SLF1: variants seen among roughly 807,000 people sequenced by gnomAD.
SLF1 encodes SMC5/6 complex localization factor 1.
Under a neutral mutation model 123.0 loss-of-function variants are expected in SLF1, and 105 were observed. The observed-to-expected ratio is 0.85, with a 90% confidence interval of 0.73 to 1.00. SLF1 has a LOEUF of 1.00. SLF1 is among the 50% of genes least tolerant of loss of function. SLF1 has a pLI of 0.00. For missense variants in SLF1, 1,239 were observed against 1,223.0 expected (o/e 1.01, Z -0.20); for synonymous variants, 434 against 406.6 (o/e 1.07, Z -0.81).
chr5:94,695,116 A>G lies in SLF1; in HGVS notation c.2981A>G (p.Lys994Arg). The G allele has an allele frequency of 6.2e-7, 1 of 1,612,562 alleles. No individual in the cohort carries two copies. Among genetic ancestry groups the G allele is most frequent in the Non-Finnish European group, 8.5e-7 (1 of 1,179,078 alleles). ...THLNELLMAC[K>R]SHKETTSVHT... ...CTAAATGAACTGCTTATGGCTTGTA[A>G]AAGTCATAAAGAAACCACCAGTGTT... Residue 994 changes from lysine (K) to arginine (R), a missense_variant, in exon 21 of 21, where the codon AAA (lysine) becomes AGA (arginine). Lys to Arg is a conservative substitution (Grantham distance 26, BLOSUM62 2). Coordinates refer to ENST00000265140, the MANE Select transcript of SLF1 (RefSeq NM_032290.4).
intron 17 of SLF1, among the ~76,000 whole-genome samples, chr5:94,689,004 G>C (rs1264334305): frequency 2.1e-5 from 3 of 145,686 alleles, no homozygotes; most frequent in Non-Finnish European, 4.5e-5. Flanking sequence ...GAGATATCCT[G>C]TATCATTATA....
intron 5 of SLF1, among the ~76,000 whole-genome samples, chr5:94,647,831 T>A (rs2152476848): frequency 6.6e-6 from 1 of 152,358 alleles, no homozygotes; most frequent in Non-Finnish European, 1.5e-5. Context: ...CTTTCAAATG[T>A]TATACCTTCT....
At chr5:94,690,735 A>T (rs1275698030) in intron 18 of SLF1, among the ~76,000 whole-genome samples, 2 of 151,568 alleles carry the variant, frequency 1.3e-5, no homozygotes, top group African/African-American at 2.4e-5. Context: ...ATTTATAGTA[A>T]TTTTTTTAAA....
chr5:94,648,644 G>A (rs1038710301), intron 5 of SLF1, among the ~76,000 whole-genome samples: 1 of 152,170 alleles, frequency 6.6e-6, no homozygotes, highest in South Asian at 2.1e-4. Context: ...ACCATGGCTG[G>A]CTAATTTTTG....
chr5:94,680,413 AC>A (rs1295797540), intron 15 of SLF1, among the ~76,000 whole-genome samples: 2 of 151,998 alleles, frequency 1.3e-5, no homozygotes, highest in African/African-American at 4.8e-5. Context: ...TTCCTGCAGA[AC>A]CCTTTCTTAT....
rs553539771 is a variant in SLF1, at chr5:94,629,087, T to C, written c.115-5T>C. The C allele has an allele frequency of 8.5e-6, 13 of 1,534,040 alleles. No individual in the cohort carries two copies. The highest frequency in any genetic ancestry group is 4.9e-5 in the East Asian group (2 of 40,526). On this transcript the variant is annotated splice_region_variant and splice_polypyrimidine_tract_variant and intron_variant, in intron 2 of 20. Transcript: ENST00000265140. ...ACATTTCTTGATGTGGATTTTTCCCTCCAGAAATACAAAAATTGTACACAT... is the reference window on the plus strand; with the variant it reads ...ACATTTCTTGATGTGGATTTTTCCCCCCAGAAATACAAAAATTGTACACAT...
At chr5:94,665,513 G>A (rs1749644433) in intron 11 of SLF1, among the ~76,000 whole-genome samples, 1 of 152,200 alleles carries the variant, frequency 6.6e-6, no homozygotes, top group South Asian at 2.1e-4. Flanking sequence ...CACTTTGGGA[G>A]GCTGAGGTGG....
intron 8 of SLF1, 110 bp from the exon 9 acceptor site, chr5:94,654,520 T>G (rs1227804192): frequency 2.8e-6 from 2 of 706,618 alleles, no homozygotes; most frequent in Non-Finnish European, 4.0e-6. Flanking sequence ...ATCTTTGCTG[T>G]GGTTAACATG....
At chr5:94,657,863 T>C (rs1748596260) in intron 9 of SLF1, among the ~76,000 whole-genome samples, 1 of 152,100 alleles carries the variant, frequency 6.6e-6, no homozygotes, top group Admixed American at 6.5e-5. Context: ...GTATAGCTAC[T>C]TCTGCTCGCT....
chr5:94,653,910 C>T (rs779585965), intron 8 of SLF1, among the ~76,000 whole-genome samples: 12 of 151,826 alleles, frequency 7.9e-5, no homozygotes, highest in Non-Finnish European at 1.8e-4. Context: ...GTGGCTCACA[C>T]CTGTAATCCC....
intron 9 of SLF1, among the ~76,000 whole-genome samples, chr5:94,658,455 G>GTTT (rs1293546270): frequency 1.3e-5 from 2 of 150,538 alleles, no homozygotes; most frequent in East Asian, 1.9e-4. Context: ...TGTTGTTGTT[G>GTTT]TTTTTTCCTT....
rs952965110 is a variant in SLF1, at chr5:94,629,163, G to A, written c.186G>A (p.Ala62=). 2.0e-5 allele frequency: 31 copies of A among 1,546,360 alleles called. No individual in the cohort carries two copies. The East Asian group carries it at 2.5e-4, about 12-fold the overall frequency. ...CKSEKFLAAC[A]AGKWILTKDY... is the part of the protein sequence containing the mutation. ...GTGAAAAATTTTTAGCAGCTTGTGC[G>A]GCAGGTAAGTTAACTGTCTTCCCCC... The change falls in exon 3 of 21, where the codon GCG becomes GCA. Residue 62 remains alanine, a synonymous_variant. Transcript: ENST00000265140.
chr5:94,691,687 A>G (rs778680010), intron 19 of SLF1, 31 bp downstream of exon 19: 16 of 1,488,342 alleles, frequency 1.1e-5, no homozygotes, highest in South Asian at 7.4e-5. Context: ...GTCTAGTCCA[A>G]TGTCTTAATA....
chr5:94,695,492 T>C lies in SLF1; in HGVS notation c.*180T>C, dbSNP rs1233227231. Reference sequence around the variant, plus strand: ...TCTACAAAACTCTAGTATGGGCTTCTGACTTTTTCCAGGGTGTAGAATTTG... The same window carrying C: ...TCTACAAAACTCTAGTATGGGCTTCCGACTTTTTCCAGGGTGTAGAATTTG... On this transcript the variant is annotated 3_prime_UTR_variant, in exon 21 of 21. Transcript: ENST00000265140. The C allele has an allele frequency of 1.2e-5, 7 of 580,154 alleles. No individual in the cohort carries two copies. Among genetic ancestry groups the C allele is most frequent in the Non-Finnish European group, 1.8e-5 (7 of 379,510 alleles). The allele number at this position is 580,154 out of a possible 1,614,324, so 35.9% of individuals were successfully genotyped here.
rs1750450626 is a variant in SLF1, at chr5:94,671,533, C to T, written c.1827+525C>T. Among the ~76,000 whole-genome samples, 4 of 151,788 alleles carry T rather than the reference C, an allele frequency of 2.6e-5. No individual in the cohort carries two copies. The South Asian group carries it at 8.3e-4, about 32-fold the overall frequency. On this transcript the variant is annotated intron_variant, in intron 14 of 20. Transcript: ENST00000265140. ...AGCGTATATAGCAACATAACTTTGG[C>T]ACATTTTGGTTGCATAATAAATATT...
chr5:94,691,963 G>A, intron 19 of SLF1, 111 bp from the exon 20 acceptor site: 1 of 953,424 alleles, frequency 1.0e-6, no homozygotes, highest in East Asian at 2.7e-5. Context: ...CATTCTTTTT[G>A]TATATGAAGC....
intron 9 of SLF1, among the ~76,000 whole-genome samples, chr5:94,660,571 C>T (rs72773541): frequency 0.12 from 17,725 of 152,208 alleles, 1,413 homozygotes; most frequent in East Asian, 0.32. Flanking sequence ...CTGATCCCCA[C>T]GTCCTCGTAT....
At chr5:94,691,991 G>T in intron 19 of SLF1, 83 bp from the exon 20 acceptor site, 1 of 1,363,514 alleles carries the variant, frequency 7.3e-7, no homozygotes, top group South Asian at 1.4e-5. Flanking sequence ...AAGTCACACT[G>T]ATGAGAAAAG....
intron 15 of SLF1, 79 bp from the exon 16 acceptor site, chr5:94,686,494 C>T: frequency 1.4e-6 from 2 of 1,471,792 alleles, no homozygotes; most frequent in South Asian, 2.5e-5. Flanking sequence ...ACAGAATAAA[C>T]TTCACTAAGG....
Sources: gnomAD v4.1 joint callset for allele counts (sites outside exome capture counted in the v4.1 genomes callset) on GRCh38, gnomAD v4.1.1 for gene constraint, MANE v1.5 for transcripts, NCBI Gene and HGNC (gene_info 2026-07-23, HGNC 2026-07-21) for gene names.